DPP10: variants seen among roughly 807,000 people sequenced by gnomAD.
DPP10 encodes inactive dipeptidyl peptidase 10.
In DPP10, 33 loss-of-function variants were observed where a neutral mutation model predicts 120.9. That is an observed-to-expected ratio of 0.27 (90% CI 0.21 to 0.37). The LOEUF is 0.37. Ranked by LOEUF, DPP10 falls within the 10% of genes least tolerant of loss-of-function variation. The pLI is 1.00. For missense variants in DPP10, 816 were observed against 942.8 expected (o/e 0.87, Z 1.76); for synonymous variants, 337 against 326.1 (o/e 1.03, Z -0.36).
At chr2:115,278,303 T>G (rs2060000295) in intron 1 of DPP10, among the ~76,000 whole-genome samples, 1 of 152,222 alleles carries the variant, frequency 6.6e-6, no homozygotes, top group East Asian at 1.9e-4. Flanking sequence ...GATGTAAAGC[T>G]GTCCCACTGT....
At chr2:114,757,599 T>C (rs189127894) in intron 1 of DPP10, among the ~76,000 whole-genome samples, 3 of 152,200 alleles carry the variant, frequency 2.0e-5, no homozygotes. Context: ...CAGCAGCATT[T>C]TTAACTTACC....
At chr2:114,782,385 A>G (rs922614719) in intron 1 of DPP10, among the ~76,000 whole-genome samples, 3 of 151,868 alleles carry the variant, frequency 2.0e-5, no homozygotes, top group African/African-American at 2.4e-5. Flanking sequence ...GAACTTTGCA[A>G]CAATTTACTT....
chr2:115,190,755 C>T (rs985304823), intron 1 of DPP10, among the ~76,000 whole-genome samples: 6 of 152,140 alleles, frequency 3.9e-5, no homozygotes, highest in Admixed American at 1.3e-4. Context: ...GTGAGAGAAC[C>T]GCCCAAGTGG....
rs532135934 is a variant in DPP10, at chr2:114,474,966, C to T, written c.60+32128C>T. 3.3e-5 allele frequency among the ~76,000 whole-genome samples: 5 copies of T among 152,282 alleles called. 1 individual carries two copies. The highest frequency in any genetic ancestry group is 4.1e-4 in the South Asian group (2 of 4,824). On this transcript the variant is annotated intron_variant, in intron 1 of 25. Transcript: ENST00000410059. ...AACCTGGAGGCCTTGCCATGCATGG[C>T]GCAGGGGCTTCTGTGCATCAGCTAT...
chr2:115,280,555 T>G (rs2060117737), intron 1 of DPP10, among the ~76,000 whole-genome samples: 1 of 152,216 alleles, frequency 6.6e-6, no homozygotes, highest in African/African-American at 2.4e-5. Context: ...CATCCAATAG[T>G]TTGCAGTGGG....
chr2:114,590,635 C>A (rs1431555956), intron 1 of DPP10, among the ~76,000 whole-genome samples: 1 of 152,110 alleles, frequency 6.6e-6, no homozygotes, highest in Non-Finnish European at 1.5e-5. Context: ...TGAACAATTG[C>A]AAGCTGCTAA....
chr2:115,656,160 A>G (rs945966439), intron 5 of DPP10, among the ~76,000 whole-genome samples: 1 of 151,286 alleles, frequency 6.6e-6, no homozygotes, highest in African/African-American at 2.4e-5. Context: ...ACACACACAC[A>G]CACACACACA....
chr2:115,813,432 T>C (rs2150030543), intron 19 of DPP10, among the ~76,000 whole-genome samples: 1 of 152,256 alleles, frequency 6.6e-6, no homozygotes, highest in African/African-American at 2.4e-5. Flanking sequence ...TGTGCAAATT[T>C]CCTCTTCTTT....
intron 1 of DPP10, among the ~76,000 whole-genome samples, chr2:115,225,512 C>CGT (rs967448797): frequency 3.1e-4 from 42 of 133,508 alleles, no homozygotes; most frequent in Middle Eastern, 3.8e-3. Flanking sequence ...TGTGTGTGTG[C>CGT]GTGTGTGTGT....
At chr2:115,837,691 T>G (rs1689671834) in intron 24 of DPP10, among the ~76,000 whole-genome samples, 1 of 152,172 alleles carries the variant, frequency 6.6e-6, no homozygotes, top group Admixed American at 6.5e-5. Flanking sequence ...CTTGATATGA[T>G]GTAGTGGGGA....
chr2:115,384,029 A>G (rs1330122200), intron 3 of DPP10, among the ~76,000 whole-genome samples: 1 of 152,242 alleles, frequency 6.6e-6, no homozygotes, highest in Non-Finnish European at 1.5e-5. Flanking sequence ...AAGTGTTGGC[A>G]TTCAGAAAAC....
chr2:114,843,017 G>C (rs1688280004), intron 1 of DPP10, among the ~76,000 whole-genome samples: 1 of 152,102 alleles, frequency 6.6e-6, no homozygotes, highest in South Asian at 2.1e-4. Flanking sequence ...GAAAAAATTT[G>C]TTCATTGCCA....
intron 1 of DPP10, among the ~76,000 whole-genome samples, chr2:115,026,858 A>G (rs1426006415): frequency 2.0e-5 from 3 of 152,170 alleles, no homozygotes; most frequent in Non-Finnish European, 4.4e-5. Flanking sequence ...TTCTGTGAAG[A>G]ATATCCTTGG....
At chr2:115,344,502 G>A (rs1187149330) in intron 3 of DPP10, among the ~76,000 whole-genome samples, 1 of 151,984 alleles carries the variant, frequency 6.6e-6, no homozygotes, top group Non-Finnish European at 1.5e-5. Flanking sequence ...AAGCTTAAGT[G>A]TTACAAGCTA....
intron 1 of DPP10, among the ~76,000 whole-genome samples, chr2:115,084,791 C>T (rs546398709): frequency 1.3e-5 from 2 of 152,194 alleles, no homozygotes; most frequent in South Asian, 2.1e-4. Flanking sequence ...CTTCTAATAA[C>T]GATTGTGTTA....
intron 3 of DPP10, among the ~76,000 whole-genome samples, chr2:115,388,014 T>C (rs1197406852): frequency 6.6e-6 from 1 of 152,198 alleles, no homozygotes; most frequent in Non-Finnish European, 1.5e-5. Flanking sequence ...AGAAAGCACC[T>C]ACACATGTGC....
chr2:115,233,888 T>C (rs1404010334), intron 1 of DPP10: 1 of 510,514 alleles, frequency 2.0e-6, no homozygotes, highest in Non-Finnish European at 3.9e-6. Context: ...TGCTCACCTG[T>C]CTCTCCCTTA....
At chr2:114,990,263 C>A (rs1035273292) in intron 1 of DPP10, among the ~76,000 whole-genome samples, 9 of 152,066 alleles carry the variant, frequency 5.9e-5, no homozygotes, top group African/African-American at 2.2e-4. Flanking sequence ...ATGTAAGTTT[C>A]CAACACAATC....
At chr2:115,699,378 G>T (rs2149527425) in intron 7 of DPP10, among the ~76,000 whole-genome samples, 1 of 152,294 alleles carries the variant, frequency 6.6e-6, no homozygotes, top group East Asian at 1.9e-4. Flanking sequence ...AAGGCGGGCG[G>T]ATCACCTGAG....
Sources: gnomAD v4.1 joint callset for allele counts (sites outside exome capture counted in the v4.1 genomes callset) on GRCh38, gnomAD v4.1.1 for gene constraint, MANE v1.5 for transcripts, NCBI Gene and HGNC (gene_info 2026-07-23, HGNC 2026-07-21) for gene names.